BEST3: variants seen among roughly 807,000 people sequenced by gnomAD.
BEST3 encodes bestrophin-3.
Under a neutral mutation model 47.1 loss-of-function variants are expected in BEST3, and 50 were observed. That is an observed-to-expected ratio of 1.06 (90% CI 0.85 to 1.34). BEST3 has a LOEUF of 1.34. BEST3 is among the 40% of genes most tolerant of loss of function. BEST3 has a pLI of 0.00. For missense variants in BEST3, 765 were observed against 817.0 expected, an observed-to-expected ratio of 0.94 and a Z score of 0.78; for synonymous variants, 282 against 298.8, an observed-to-expected ratio of 0.94 and a Z score of 0.58.
chr12:69,675,516 A>G (rs1274145696), intron 7 of BEST3, among the ~76,000 whole-genome samples: 1 of 152,240 alleles, frequency 6.6e-6, no homozygotes, highest in Non-Finnish European at 1.5e-5. Flanking sequence ...AGCACCTTAC[A>G]TGGAGACAAA....
intron 9 of BEST3, among the ~76,000 whole-genome samples, chr12:69,646,496 A>G (rs974520622): frequency 6.6e-6 from 1 of 151,484 alleles, no homozygotes; most frequent in Non-Finnish European, 1.5e-5. Flanking sequence ...CTGGAGATGC[A>G]CTGGTTGAAA....
intron 2 of BEST3, among the ~76,000 whole-genome samples, chr12:69,696,092 T>G (rs1886122622): frequency 6.6e-6 from 1 of 152,168 alleles, no homozygotes; most frequent in South Asian, 2.1e-4. Flanking sequence ...ACATCTATAT[T>G]TTTCTATAGA....
chr12:69,678,932 AGTTT>A (rs753940740), intron 4 of BEST3, 39 bp from the exon 5 acceptor site: 9 of 1,508,306 alleles, frequency 6.0e-6, no homozygotes, highest in Non-Finnish European at 8.2e-6. Flanking sequence ...ATACAGACTT[AGTTT>A]GACACTAATA....
intron 9 of BEST3, among the ~76,000 whole-genome samples, chr12:69,647,384 G>A (rs1279223149): frequency 6.6e-6 from 1 of 152,164 alleles, no homozygotes. Flanking sequence ...GCTCTGAAAG[G>A]GGAAACGTCA....
chr12:69,692,157 T>C (rs901895983), intron 4 of BEST3, among the ~76,000 whole-genome samples: 13 of 152,206 alleles, frequency 8.5e-5, no homozygotes. Context: ...CTATCTGTAT[T>C]AGCCATTTAA....
chr12:69,647,733 A>G (rs1883084804), intron 9 of BEST3, among the ~76,000 whole-genome samples: 1 of 152,194 alleles, frequency 6.6e-6, no homozygotes, highest in Non-Finnish European at 1.5e-5. Context: ...CAAAAGCATA[A>G]AACAAAAAAA....
At position 69,666,783 on chromosome 12, in the gene BEST3, A is replaced by G. The variant is rs550764993; in HGVS notation, c.1100+4645T>C. Among the ~76,000 whole-genome samples, 8 of 152,258 alleles carry G rather than the reference A, an allele frequency of 5.3e-5. No homozygotes were observed. The South Asian group carries it at 8.3e-4, about 16-fold the overall frequency. ...AGAGGCCTCAAATTCAACACATGCA[A>G]AAGGGAGAGCTCATAATCTTTTCCT... On this transcript the variant is annotated intron_variant, in intron 9 of 9. Coordinates refer to ENST00000330891, the MANE Select transcript of BEST3 (RefSeq NM_032735.3).
At position 69,654,139 on chromosome 12, in the gene BEST3, G is replaced by C. The variant is rs1428964010; in HGVS notation, c.*768C>G. ...CTTTGATGATTCTGTAGGAGGCTTTGCCAATGTCTTATATTTTGAAATTCA... is the reference window on the plus strand; with the variant it reads ...CTTTGATGATTCTGTAGGAGGCTTTCCCAATGTCTTATATTTTGAAATTCA... On this transcript the variant is annotated 3_prime_UTR_variant, in exon 10 of 10. Transcript: ENST00000330891. 1.0e-6 allele frequency: 1 copy of C among 985,168 alleles called. No individual in the cohort carries two copies. Among genetic ancestry groups the C allele is most frequent in the African/African-American group, 1.7e-5 (1 of 57,172 alleles). 61.0% of individuals were successfully genotyped at this position (985,168 alleles called of 1,614,324 possible).
chr12:69,665,396 C>T (rs1884131769), intron 9 of BEST3, among the ~76,000 whole-genome samples: 1 of 152,142 alleles, frequency 6.6e-6, no homozygotes, highest in South Asian at 2.1e-4. Flanking sequence ...AGTTCAAGAC[C>T]AGCCTGGCCA....
chr12:69,655,005 G>A lies in BEST3; in HGVS notation c.1909C>T (p.Arg637Ter), dbSNP rs768965727. 35 of 1,613,896 alleles carry A rather than the reference G, an allele frequency of 2.2e-5. No individual in the cohort carries two copies. In the South Asian group the frequency reaches 2.6e-4, roughly 12 times the overall value. Reference protein sequence around the residue: ...ISGINIVAGSRVSSDMLYLME... With the variant: ...ISGINIVAGS ...AAATACAGCATATCAGAAGAGACTC[G>A]AGAGCCAGCCACAATGTTGATCCCA... The change falls in exon 10 of 10, where the codon CGA becomes TGA. Residue 637 changes from arginine (R) to a stop codon, truncating the protein, a stop_gained. Coordinates refer to ENST00000330891, the MANE Select transcript of BEST3 (RefSeq NM_032735.3). LOFTEE classifies it low-confidence loss of function (END_TRUNC).
chr12:69,682,392 A>C (rs930478907), intron 4 of BEST3, among the ~76,000 whole-genome samples: 6 of 152,194 alleles, frequency 3.9e-5, no homozygotes, highest in Non-Finnish European at 8.8e-5. Flanking sequence ...CACTTGGGTT[A>C]TTTATACTAG....
At position 69,654,740 on chromosome 12, in the gene BEST3, C is replaced by G; in HGVS notation, c.*167G>C. 7.4e-7 allele frequency: 1 copy of G among 1,350,990 alleles called. No individual in the cohort carries two copies. The highest frequency in any genetic ancestry group is 9.5e-7 in the Non-Finnish European group (1 of 1,052,092). The allele number at this position is 1,350,990 out of a possible 1,614,324, so 83.7% of individuals were successfully genotyped here. On this transcript the variant is annotated 3_prime_UTR_variant, in exon 10 of 10. Transcript: ENST00000330891. The stretch of plus-strand genomic sequence containing the variant: ...TGAATGCGTTTGATTTTTCGCAGCT[C>G]TCAAAAAGTCAGGATCATAATGCCC...
intron 8 of BEST3, among the ~76,000 whole-genome samples, chr12:69,671,805 C>A (rs1444086960): frequency 2.6e-5 from 4 of 152,034 alleles, no homozygotes; most frequent in Non-Finnish European, 4.4e-5. Flanking sequence ...GGGCTTGAAG[C>A]CTCCCACACT....
intron 2 of BEST3, among the ~76,000 whole-genome samples, chr12:69,697,212 C>G (rs1886163061): frequency 6.6e-6 from 1 of 152,160 alleles, no homozygotes; most frequent in Non-Finnish European, 1.5e-5. Context: ...GAAAGCTTTT[C>G]CCTGACATAC....
At position 69,672,920 on chromosome 12, in the gene BEST3, AATC is replaced by A. The variant is rs748702561; in HGVS notation, c.910_912del (p.Asp304del). ...CTGTCAATGCACCAGTTAGTTTCAA[AATC>A]ATCATCATCTTCTCCAAAAGGGTTG... On this transcript the variant is annotated inframe_deletion, in exon 8 of 10. Transcript: ENST00000330891. 2.8e-4 allele frequency: 448 copies of A among 1,613,480 alleles called. No individual in the cohort carries two copies. The highest frequency in any genetic ancestry group is 3.5e-4 in the Non-Finnish European group (416 of 1,179,852).
chr12:69,677,497 A>G (rs1884996122), intron 5 of BEST3, among the ~76,000 whole-genome samples: 1 of 152,252 alleles, frequency 6.6e-6, no homozygotes, highest in African/African-American at 2.4e-5. Flanking sequence ...AAAATAAGTC[A>G]TGGCCAGGTG....
intron 7 of BEST3, 23 bp downstream of exon 7, chr12:69,676,893 G>A: frequency 6.2e-7 from 1 of 1,609,032 alleles, no homozygotes; most frequent in African/African-American, 1.3e-5. Context: ...ATTACAAAGT[G>A]GGGCCCTGAG....
Position 69,671,427 on chromosome 12 carries a change from C to G in BEST3, c.1100+1G>C. 1 of 1,610,394 alleles carries G rather than the reference C, an allele frequency of 6.2e-7. No homozygotes were observed. Among genetic ancestry groups the G allele is most frequent in the Non-Finnish European group, 8.5e-7 (1 of 1,177,936 alleles). ...TAGAGATTTTTTAAAAATGCACTTA[C>G]CCCATCTGGACTGTTGACCCCAGAA... On this transcript the variant is annotated splice_donor_variant, in intron 9 of 9. Transcript: ENST00000330891. LOFTEE classifies it high-confidence loss of function.
intron 2 of BEST3, 120 bp from the exon 3 acceptor site, chr12:69,694,584 A>AT (rs1809891079): frequency 4.2e-6 from 2 of 478,598 alleles, no homozygotes; most frequent in East Asian, 7.4e-5. Flanking sequence ...AGGATCAATA[A>AT]TTTTTTCCTT....
Sources: allele counts gnomAD v4.1 joint callset (sites outside exome capture counted in the v4.1 genomes callset), GRCh38; gene constraint gnomAD v4.1.1; transcripts MANE v1.5; gene names NCBI Gene and HGNC (gene_info 2026-07-23, HGNC 2026-07-21).